Variants in ARHGAP35 observed in about 807,000 individuals in gnomAD.
The protein encoded by ARHGAP35 is Rho GTPase activating protein 35.
ARHGAP35 carries 15 observed loss-of-function variants against 111.1 expected under a neutral mutation model. That is an observed-to-expected ratio of 0.13 (90% confidence interval 0.09 to 0.21). The LOEUF (loss-of-function observed/expected upper bound fraction) is 0.21. ARHGAP35 is among the 10% of genes least tolerant of loss of function. ARHGAP35 has a pLI of 1.00. For missense variants in ARHGAP35, 1,262 were observed against 1,873.0 expected (o/e 0.67, Z 6.02); for synonymous variants, 643 against 710.3 (o/e 0.91, Z 1.51).
In ARHGAP35 at chr19:46,919,753, C is replaced by T; in HGVS notation, c.1078C>T (p.His360Tyr). 8 of 1,614,000 alleles carry T rather than the reference C, an allele frequency of 5.0e-6. No individual in the cohort carries two copies. The highest frequency in any genetic ancestry group is 6.8e-6 in the Non-Finnish European group (8 of 1,179,896). Residue 360 changes from histidine to tyrosine, a missense_variant, in exon 2 of 7, where the codon CAC (histidine) becomes TAC (tyrosine). His to Tyr is a moderately conservative substitution (Grantham distance 83). Transcript: ENST00000672722. The surrounding 1 kb of genome is among the most constrained non-coding windows in gnomAD (Gnocchi z 6.2). ...TATACCTAATCTAGATGAAATAGAC[C>T]ACCTAAGCTGCATAAAAGCCAAAAA... ...ALIPNLDEID[H>Y]LSCIKAKKLL...
intron 3 of ARHGAP35, among the ~76,000 whole-genome samples, chr19:46,959,406 TA>T (rs1242080250): frequency 4.0e-5 from 6 of 151,540 alleles, no homozygotes; most frequent in Non-Finnish European, 8.8e-5. Context: ...TTTTTATTTT[TA>T]TTTTTTTGAG....
In ARHGAP35 at chr19:46,919,247, C is replaced by CA; in HGVS notation, c.578dup (p.Pro194AlafsTer8). Reference sequence around the variant, plus strand: ...AATCTCTACAATCAGCTTGCAAAAACAAAAAAGCCCATAGTGGTGGTCCTG... The same window carrying CA: ...AATCTCTACAATCAGCTTGCAAAAACAAAAAAAGCCCATAGTGGTGGTCCTG... On this transcript the variant is annotated frameshift_variant, in exon 2 of 7. Coordinates refer to ENST00000672722, the MANE Select transcript of ARHGAP35 (RefSeq NM_004491.5). LOFTEE classifies it high-confidence loss of function. The surrounding 1 kb of genome is among the most constrained non-coding windows in gnomAD (Gnocchi z 6.2). 1 of 1,612,742 alleles carries CA rather than the reference C, an allele frequency of 6.2e-7. No homozygotes were observed. Among genetic ancestry groups the CA allele is most frequent in the Non-Finnish European group, 8.5e-7 (1 of 1,179,594 alleles).
intron 3 of ARHGAP35, among the ~76,000 whole-genome samples, chr19:46,977,604 T>G (rs1220062410): frequency 1.3e-5 from 2 of 152,208 alleles, no homozygotes; most frequent in Non-Finnish European, 2.9e-5. Flanking sequence ...TGCCTGCTCC[T>G]GTGAACTCAG....
At chr19:46,863,868 C>A (rs2055842018) in intron 1 of ARHGAP35, among the ~76,000 whole-genome samples, 1 of 152,182 alleles carries the variant, frequency 6.6e-6, no homozygotes, top group Non-Finnish European at 1.5e-5. Flanking sequence ...ATTTCTTTTT[C>A]ATCTTTGCCC....
rs181673806 is a variant in ARHGAP35, at chr19:46,945,738, T to G, written c.3826+8330T>G. On this transcript the variant is annotated intron_variant, in intron 3 of 6. Coordinates refer to ENST00000672722, the MANE Select transcript of ARHGAP35 (RefSeq NM_004491.5). The surrounding 1 kb of genome is among the most constrained non-coding windows in gnomAD (Gnocchi z 4.1). ...CCAGCCTCTCCTCAGCCTCACTTGC[T>G]ATTTAACTAGAAATAGCATTCTCTA... 1.3e-5 allele frequency among the ~76,000 whole-genome samples: 2 copies of G among 152,336 alleles called. No individual in the cohort carries two copies. Among genetic ancestry groups the G allele is most frequent in the East Asian group, 3.9e-4 (2 of 5,186 alleles).
At chr19:46,963,094 G>A (rs979283953) in intron 3 of ARHGAP35, among the ~76,000 whole-genome samples, 4 of 152,170 alleles carry the variant, frequency 2.6e-5, no homozygotes, top group African/African-American at 7.2e-5. Context: ...CTTTGGGAGG[G>A]TGGTGAGTGG....
At chr19:46,878,639 TG>T (rs2055940259) in intron 1 of ARHGAP35, among the ~76,000 whole-genome samples, 1 of 151,876 alleles carries the variant, frequency 6.6e-6, no homozygotes, top group Admixed American at 6.6e-5. Context: ...CCTTTGTTTT[TG>T]TTGTTGTTGT....
intron 1 of ARHGAP35, among the ~76,000 whole-genome samples, chr19:46,877,250 A>C (rs1429168155): frequency 4.4e-5 from 1 of 22,524 alleles, no homozygotes; most frequent in African/African-American, 1.9e-4. Context: ...AACTGTCTCA[A>C]AAAAAAAAAA....
intron 2 of ARHGAP35, among the ~76,000 whole-genome samples, chr19:46,933,798 A>T (rs560205927): frequency 6.6e-6 from 1 of 152,306 alleles, no homozygotes; most frequent in Non-Finnish European, 1.5e-5. Flanking sequence ...CGCAGTCTGG[A>T]TGACAGAGCG....
At chr19:46,881,888 G>A (rs1436664347) in intron 1 of ARHGAP35, among the ~76,000 whole-genome samples, 1 of 152,122 alleles carries the variant, frequency 6.6e-6, no homozygotes, top group Non-Finnish European at 1.5e-5. Flanking sequence ...TAGATGACTT[G>A]CTGCAGCTTC....
In ARHGAP35 at chr19:46,918,136, T is replaced by G. The variant is rs1298797130; in HGVS notation, c.-188-352T>G. ...GGCTGGCTTCTGTGTCCTTGTGAGATGCTCCATCGTTTTTTTTCTTGCATA... is the reference window on the plus strand; with the variant it reads ...GGCTGGCTTCTGTGTCCTTGTGAGAGGCTCCATCGTTTTTTTTCTTGCATA... On this transcript the variant is annotated intron_variant, in intron 1 of 6. Coordinates refer to ENST00000672722, the MANE Select transcript of ARHGAP35 (RefSeq NM_004491.5). This position sits in a 1 kb window ranked among gnomAD's most constrained non-coding sequence, Gnocchi z 5.4. 6.6e-6 allele frequency among the ~76,000 whole-genome samples: 1 copy of G among 152,262 alleles called. No homozygotes were observed. Among genetic ancestry groups the G allele is most frequent in the Non-Finnish European group, 1.5e-5 (1 of 68,040 alleles).
At chr19:46,923,182 G>GCAAC (rs2056214939) in intron 2 of ARHGAP35, among the ~76,000 whole-genome samples, 1 of 146,964 alleles carries the variant, frequency 6.8e-6, no homozygotes, top group Non-Finnish European at 1.5e-5. Context: ...TCCGCTCACT[G>GCAAC]CAAGCTCCGC....
intron 3 of ARHGAP35, among the ~76,000 whole-genome samples, chr19:46,972,259 C>T (rs2056554627): frequency 6.6e-6 from 1 of 152,188 alleles, no homozygotes; most frequent in Non-Finnish European, 1.5e-5. Context: ...GATCACCCAC[C>T]TCAGCCTCCC....
At chr19:46,912,269 C>G (rs1363775261) in intron 1 of ARHGAP35, among the ~76,000 whole-genome samples, 3 of 151,958 alleles carry the variant, frequency 2.0e-5, no homozygotes, top group African/African-American at 7.2e-5. Flanking sequence ...GTCTCAAACT[C>G]CTGACCTCAG....
In ARHGAP35 at chr19:46,994,170, C is replaced by T. The variant is rs1052675260; in HGVS notation, c.4036+4495C>T. On this transcript the variant is annotated intron_variant, in intron 5 of 6. Transcript: ENST00000672722. The surrounding 1 kb of genome is among the most constrained non-coding windows in gnomAD (Gnocchi z 5.4). The stretch of plus-strand genomic sequence containing the variant: ...ATGGCGGGTCCGGGTTGCAGCAGCT[C>T]ACCCAGGGCTGGGTGCCCTGACGGC... 2.0e-5 allele frequency among the ~76,000 whole-genome samples: 3 copies of T among 152,154 alleles called. No homozygotes were observed. Among genetic ancestry groups the T allele is most frequent in the African/African-American group, 7.2e-5 (3 of 41,446 alleles).
At chr19:46,896,387 T>C (rs1030471137) in intron 1 of ARHGAP35, among the ~76,000 whole-genome samples, 1 of 152,208 alleles carries the variant, frequency 6.6e-6, no homozygotes, top group East Asian at 1.9e-4. Flanking sequence ...CTGTCTCAAA[T>C]AAAAGCTAAG....
intron 1 of ARHGAP35, among the ~76,000 whole-genome samples, chr19:46,871,962 A>C (rs188724598): frequency 1.3e-5 from 2 of 152,068 alleles, no homozygotes; most frequent in African/African-American, 4.8e-5. Flanking sequence ...CATGGGTGAC[A>C]GAGTGAGACT....
Position 46,921,802 on chromosome 19 carries a change from C to T in ARHGAP35, c.3127C>T (p.Pro1043Ser). The stretch of plus-strand genomic sequence containing the variant: ...CAACAAAGTACCTCCGCCAGTCAAA[C>T]CAAAGCCTCCTGTCCATTTTGAAAT... ...LNNKVPPPVK[P>S]KPPVHFEITK... Residue 1043 changes from proline to serine, a missense_variant, in exon 2 of 7, where the codon CCA becomes TCA. By Grantham distance (74) the Pro-to-Ser change is moderately conservative. This residue lies in a region of ARHGAP35 where 579 missense variants were observed against 716.9 expected (regional missense o/e 0.81). Transcript: ENST00000672722. This position sits in a 1 kb window ranked among gnomAD's most constrained non-coding sequence, Gnocchi z 4.3. 1.2e-6 allele frequency: 2 copies of T among 1,613,968 alleles called. No individual in the cohort carries two copies. Among genetic ancestry groups the T allele is most frequent in the Non-Finnish European group, 1.7e-6 (2 of 1,179,886 alleles).
chr19:46,969,195 T>A (rs1394658151), intron 3 of ARHGAP35, among the ~76,000 whole-genome samples: 1 of 152,214 alleles, frequency 6.6e-6, no homozygotes, highest in Non-Finnish European at 1.5e-5. Flanking sequence ...GACAGTGCTC[T>A]AAAATTGTGG....
Sources: allele counts gnomAD v4.1 joint callset (sites outside exome capture counted in the v4.1 genomes callset), GRCh38; gene constraint gnomAD v4.1.1; regional missense constraint gnomAD v4.1.1; non-coding constraint Gnocchi (gnomAD v3.1); transcripts MANE v1.5; gene names NCBI Gene and HGNC (gene_info 2026-07-23, HGNC 2026-07-21).